Variants in ITSN1 observed in about 807,000 individuals in gnomAD.
ITSN1 encodes intersectin-1.
A neutral mutation model predicts 239.8 loss-of-function variants in ITSN1; 58 were observed. The ratio of observed to expected loss-of-function variants is 0.24; its 90% confidence interval spans 0.20 to 0.30. The LOEUF is 0.30. ITSN1 is among the 10% of genes least tolerant of loss of function. The probability of loss-of-function intolerance (pLI) is 1.00; values close to 1 mark genes in which losing one functional copy is unlikely to be tolerated. For synonymous variants in ITSN1, 780 were observed against 770.8 expected (o/e 1.01, Z -0.20); for missense variants, 1,558 against 2,103.3 (o/e 0.74, Z 5.07).
intron 1 of ITSN1, among the ~76,000 whole-genome samples, chr21:33,683,778 A>AT (rs1365533531): frequency 1.3e-5 from 2 of 152,178 alleles, no homozygotes; most frequent in African/African-American, 4.8e-5. Context: ...GAAATACTAA[A>AT]TGTAGATTTA....
At chr21:33,738,077 G>A (rs1385344133) in intron 5 of ITSN1, among the ~76,000 whole-genome samples, 1 of 151,940 alleles carries the variant, frequency 6.6e-6, no homozygotes, top group African/African-American at 2.4e-5. Flanking sequence ...TAACTGCTTG[G>A]GAGGCTGAGG....
At chr21:33,795,788 A>G (rs933727235) in intron 17 of ITSN1, among the ~76,000 whole-genome samples, 7 of 152,178 alleles carry the variant, frequency 4.6e-5, no homozygotes, top group Non-Finnish European at 1.0e-4. Flanking sequence ...AACATAAAAT[A>G]CAGAAAAATA....
At chr21:33,817,442 C>T (rs527542577) in intron 22 of ITSN1, 12 of 1,304,436 alleles carry the variant, frequency 9.2e-6, no homozygotes, top group Middle Eastern at 2.1e-4. Context: ...GTGAAATTTA[C>T]GCTGATGCCC....
chr21:33,868,544 G>A (rs1183760431), intron 33 of ITSN1, among the ~76,000 whole-genome samples: 1 of 152,206 alleles, frequency 6.6e-6, no homozygotes, highest in Non-Finnish European at 1.5e-5. Context: ...TACACCCTCC[G>A]CAGCCGCTGG....
At chr21:33,818,655 T>C (rs1393050211) in intron 23 of ITSN1, among the ~76,000 whole-genome samples, 183 bp downstream of exon 23, 1 of 152,344 alleles carries the variant, frequency 6.6e-6, no homozygotes, top group East Asian at 1.9e-4. Flanking sequence ...AGTGCATTCT[T>C]TCTTCTCTCA....
intron 1 of ITSN1, among the ~76,000 whole-genome samples, chr21:33,699,383 G>A (rs147088215): frequency 6.6e-6 from 1 of 152,282 alleles, no homozygotes; most frequent in East Asian, 1.9e-4. Flanking sequence ...AAATAAATGA[G>A]TCTGAAGATG....
rs2090204756 is a variant in ITSN1 at position 33,670,567 on chromosome 21, T to C, written c.-33+27854T>C. On this transcript the variant is annotated intron_variant, in intron 1 of 39. Coordinates refer to ENST00000381318, the MANE Select transcript of ITSN1 (RefSeq NM_003024.3). ...TTATGTGTTGCAGACCTCCTTAATG[T>C]CTGCCTGGATGGAAGAGTTTCTCAT... Among the ~76,000 whole-genome samples the C allele has an allele frequency of 2.0e-5, 3 of 152,298 alleles. No individual in the cohort carries two copies. The South Asian group carries it at 6.2e-4, about 32-fold the overall frequency.
intron 31 of ITSN1, among the ~76,000 whole-genome samples, chr21:33,864,489 T>C (rs767108464): frequency 2.8e-4 from 42 of 152,268 alleles, no homozygotes; most frequent in Admixed American, 6.5e-4. Flanking sequence ...AACACACACT[T>C]CCCAGTCCCA....
chr21:33,723,439 C>G (rs1239502819), intron 4 of ITSN1, among the ~76,000 whole-genome samples: 1 of 152,096 alleles, frequency 6.6e-6, no homozygotes, highest in Non-Finnish European at 1.5e-5. Flanking sequence ...ACGGTGAAAC[C>G]CCATCTCTCC....
intron 1 of ITSN1, among the ~76,000 whole-genome samples, chr21:33,690,837 A>G (rs1006308459): frequency 4.3e-5 from 3 of 69,620 alleles, no homozygotes; most frequent in African/African-American, 1.8e-4. Flanking sequence ...ATATATATAT[A>G]TGTAAAAGTT....
intron 21 of ITSN1, 139 bp downstream of exon 21, chr21:33,811,361 T>G: frequency 1.4e-6 from 1 of 727,328 alleles, no homozygotes; most frequent in Non-Finnish European, 2.2e-6. Context: ...CTCCTTTCTC[T>G]AGCTGGCGAA....
chr21:33,835,146 G>A lies in ITSN1; in HGVS notation c.3469+722G>A, dbSNP rs371986744. ...TCCAATACCTTGTGGTTAAATATCTGTGCTGTATGTACCCAGTGAGATAAG... is the reference window on the plus strand; with the variant it reads ...TCCAATACCTTGTGGTTAAATATCTATGCTGTATGTACCCAGTGAGATAAG... On this transcript the variant is annotated intron_variant, in intron 28 of 39. Coordinates refer to ENST00000381318, the MANE Select transcript of ITSN1 (RefSeq NM_003024.3). Among the ~76,000 whole-genome samples the A allele has an allele frequency of 3.7e-4, 57 of 152,266 alleles. 2 individuals are homozygous for A. In the South Asian group the frequency reaches 0.012, roughly 32 times the overall value.
chr21:33,887,563 A>G (rs753893745), intron 39 of ITSN1, among the ~76,000 whole-genome samples: 16 of 151,954 alleles, frequency 1.1e-4, no homozygotes, highest in Non-Finnish European at 2.2e-4. Flanking sequence ...CTTAACTACT[A>G]TGTGTACTGT....
intron 34 of ITSN1, among the ~76,000 whole-genome samples, chr21:33,876,208 CTCTCTTCTTTTTCTCTTTCT>C (rs1316215945): frequency 1.2e-4 from 9 of 72,058 alleles, no homozygotes; most frequent in South Asian, 9.1e-4. Flanking sequence ...TCCTTCCTTC[CTCTCTTCTTTTTCTCTTTCT>C]TTCCTTCTCT....
intron 33 of ITSN1, 138 bp downstream of exon 33, chr21:33,867,469 G>A (rs1981807364): frequency 1.6e-6 from 1 of 625,104 alleles, no homozygotes; most frequent in South Asian, 1.9e-5. Context: ...GTGTCACAGA[G>A]GTCTGCTTGG....
chr21:33,661,971 C>G (rs549456731), intron 1 of ITSN1, among the ~76,000 whole-genome samples: 1 of 152,200 alleles, frequency 6.6e-6, no homozygotes, highest in Non-Finnish European at 1.5e-5. Flanking sequence ...TCTGAACCCC[C>G]ATGAAAGGGT....
rs541933387 is a variant in ITSN1 at position 33,713,857 on chromosome 21, C to T, written c.-32-4940C>T. Among the ~76,000 whole-genome samples the T allele has an allele frequency of 1.5e-4, 12 of 81,148 alleles. No homozygotes were observed. In the East Asian group the frequency reaches 2.5e-3, roughly 17 times the overall value. 53.2% of individuals were successfully genotyped at this position (81,148 alleles called of 152,430 possible). On this transcript the variant is annotated intron_variant, in intron 1 of 39. Coordinates refer to ENST00000381318, the MANE Select transcript of ITSN1 (RefSeq NM_003024.3). ...TTTTTTTTTTTTTTTTTTTTTGAGACGGAGTCTTGCTCTGTCACCCAAGCT... is the reference window on the plus strand; with the variant it reads ...TTTTTTTTTTTTTTTTTTTTTGAGATGGAGTCTTGCTCTGTCACCCAAGCT...
intron 39 of ITSN1, 65 bp from the exon 40 acceptor site, chr21:33,888,087 C>A: frequency 6.4e-7 from 1 of 1,551,126 alleles, no homozygotes; most frequent in Admixed American, 1.8e-5. Context: ...CCCCAATATG[C>A]CAGACATGTG....
chr21:33,804,242 G>T (rs927386794), intron 20 of ITSN1, among the ~76,000 whole-genome samples: 3 of 152,030 alleles, frequency 2.0e-5, no homozygotes, highest in Admixed American at 6.6e-5. Flanking sequence ...TTTAATGTAG[G>T]CAGTCTTAGC....
Sources: gnomAD v4.1 joint callset for allele counts (sites outside exome capture counted in the v4.1 genomes callset) on GRCh38, gnomAD v4.1.1 for gene constraint, MANE v1.5 for transcripts, NCBI Gene and HGNC (gene_info 2026-07-23, HGNC 2026-07-21) for gene names.